ABHD17A: variants seen among roughly 807,000 people sequenced by gnomAD.
ABHD17A encodes the protein alpha/beta hydrolase domain-containing protein 17A.
A neutral mutation model predicts 26.8 loss-of-function variants in ABHD17A; 10 were observed. The observed-to-expected ratio is 0.37, with a 90% CI of 0.23 to 0.63. The LOEUF (loss-of-function observed/expected upper bound fraction) is 0.63. Among genes scored for constraint, ABHD17A ranks in the 30% least tolerant of loss-of-function variants. ABHD17A has a pLI of 0.61. For missense variants in ABHD17A, 292 were observed against 457.3 expected, an observed-to-expected ratio of 0.64 and a Z score of 3.30; for synonymous variants, 167 against 210.9, an observed-to-expected ratio of 0.79 and a Z score of 1.80.
Position 1,879,898 on chromosome 19 carries a change from G to A in ABHD17A, c.527+23C>T, listed in dbSNP as rs780848623. 3.2e-6 allele frequency: 5 copies of A among 1,573,930 alleles called. No homozygotes were observed. In the South Asian group the frequency reaches 4.6e-5, roughly 14 times the overall value. ...CCCCTCTTGGGTGTGCCCAGGCTGA[G>A]CTGCCCCCAGGGTCGCCCTCACCTG... On this transcript the variant is annotated intron_variant, in intron 3 of 4. Transcript: ENST00000292577. The surrounding 1 kb of genome is among the most constrained non-coding windows in gnomAD (Gnocchi z 7.6).
At position 1,879,523 on chromosome 19, in the gene ABHD17A, A is replaced by G; in HGVS notation, c.527+398T>C. 3.5e-6 allele frequency: 1 copy of G among 288,288 alleles called. No individual in the cohort carries two copies. Among genetic ancestry groups the G allele is most frequent in the South Asian group, 3.4e-5 (1 of 29,686 alleles). The allele number at this position is 288,288 out of a possible 1,614,324, so 17.9% of individuals were successfully genotyped here. On this transcript the variant is annotated intron_variant, in intron 3 of 4. Coordinates refer to ENST00000292577, the MANE Select transcript of ABHD17A (RefSeq NM_001130111.2). The surrounding 1 kb of genome is among the most constrained non-coding windows in gnomAD (Gnocchi z 7.6). The stretch of plus-strand genomic sequence containing the variant: ...GGGCCAGTCCTCCGGACCTGGATGC[A>G]GCAGCCTCGCCTCACTTGGCCCCAA...
In ABHD17A at chr19:1,880,116, C is replaced by G. The variant is rs747035503; in HGVS notation, c.333-1G>C. On this transcript the variant is annotated splice_acceptor_variant, in intron 2 of 4. Coordinates refer to ENST00000292577, the MANE Select transcript of ABHD17A (RefSeq NM_001130111.2). LOFTEE classifies it high-confidence loss of function. This position sits in a 1 kb window ranked among gnomAD's most constrained non-coding sequence, Gnocchi z 4.1. ...GCCGTGCGAGAAGAGGACCGTGTACCTGGGACAGGCCGAGAAGGGCCGTTC... is the reference window on the plus strand; with the variant it reads ...GCCGTGCGAGAAGAGGACCGTGTACGTGGGACAGGCCGAGAAGGGCCGTTC... 1 of 1,612,874 alleles carries G rather than the reference C, an allele frequency of 6.2e-7. No individual in the cohort carries two copies. Among genetic ancestry groups the G allele is most frequent in the East Asian group, 2.2e-5 (1 of 44,892 alleles).
rs74377906 is a variant in ABHD17A, at chr19:1,884,436, G to A, written c.-239+916C>T. The stretch of plus-strand genomic sequence containing the variant: ...ACTGGGCACACACCCTTGACACCCT[G>A]AATCCCACCAATTCCGTTCCCACGC... On this transcript the variant is annotated intron_variant, in intron 1 of 4. Transcript: ENST00000292577. 9.8e-4 allele frequency among the ~76,000 whole-genome samples: 149 copies of A among 152,236 alleles called. 1 individual carries two copies. In the South Asian group the frequency reaches 0.015, roughly 15 times the overall value.
At position 1,877,518 on chromosome 19, in the gene ABHD17A, C is replaced by T. The variant is rs757198714; in HGVS notation, c.697G>A (p.Ala233Thr). Reference sequence around the variant, plus strand: ...GCCCGGGCCGCTCACTTAGGGAAGGCGTCGAAGCAGTAGGTCTTCTTGGTG... The same window carrying T: ...GCCCGGGCCGCTCACTTAGGGAAGGTGTCGAAGCAGTAGGTCTTCTTGGTG... ...PDTKKTYCFDAFPNIEKVSKI... is the reference protein window; with the variant it reads ...PDTKKTYCFDTFPNIEKVSKI... Residue 233 changes from alanine to threonine, a missense_variant, in exon 4 of 5, where the codon GCC becomes ACC. Physicochemically the swap from Ala to Thr is moderately conservative, Grantham distance 58 (BLOSUM62 0). This residue lies in a region of ABHD17A where 88 missense variants were observed against 134.3 expected (regional missense o/e 0.66). Transcript: ENST00000292577. The T allele has an allele frequency of 4.4e-6, 7 of 1,594,744 alleles. No individual in the cohort carries two copies. Among genetic ancestry groups the T allele is most frequent in the Non-Finnish European group, 5.9e-6 (7 of 1,178,648 alleles).
intron 1 of ABHD17A, chr19:1,882,661 G>C (rs2012575603): frequency 6.6e-6 from 1 of 152,230 alleles, no homozygotes; most frequent in African/African-American, 2.4e-5. Flanking sequence ...CTTCTTCCTT[G>C]CTGCAGAACG....
Position 1,876,904 on chromosome 19 carries a change from C to A in ABHD17A, c.*296G>T, listed in dbSNP as rs1447063821. 6.8e-6 allele frequency: 3 copies of A among 441,320 alleles called. No individual in the cohort carries two copies. Among genetic ancestry groups the A allele is most frequent in the African/African-American group, 4.1e-5 (2 of 48,456 alleles). The allele number at this position is 441,320 out of a possible 1,614,324, so 27.3% of individuals were successfully genotyped here. ...GGGACTCAGGGACGAAACCTGGGAA[C>A]CCCGGCCCCCTTTCGAGCTCGCTGA... On this transcript the variant is annotated 3_prime_UTR_variant, in exon 5 of 5. Coordinates refer to ENST00000292577, the MANE Select transcript of ABHD17A (RefSeq NM_001130111.2).
intron 1 of ABHD17A, among the ~76,000 whole-genome samples, chr19:1,884,227 G>C (rs1253394956): frequency 1.3e-5 from 2 of 152,186 alleles, no homozygotes; most frequent in Admixed American, 1.3e-4. Flanking sequence ...TAAAGGAATG[G>C]GCAGGTGGTA....
rs923142266 is a variant in ABHD17A at position 1,881,738 on chromosome 19, T to C, written c.-172A>G. The C allele has an allele frequency of 2.1e-6, 2 of 954,214 alleles. No individual in the cohort carries two copies. The highest frequency in any genetic ancestry group is 2.9e-6 in the Non-Finnish European group (2 of 695,628). 59.1% of individuals were successfully genotyped at this position (954,214 alleles called of 1,614,324 possible). ...GTTAGGAGGCCAGGGCCCAGCCCCATCGCGGTCCAAGCCGAGCCCCAGGGA... is the reference window on the plus strand; with the variant it reads ...GTTAGGAGGCCAGGGCCCAGCCCCACCGCGGTCCAAGCCGAGCCCCAGGGA... On this transcript the variant is annotated 5_prime_UTR_variant, in exon 2 of 5. It removes an upstream start codon present in the reference 5' UTR. Coordinates refer to ENST00000292577, the MANE Select transcript of ABHD17A (RefSeq NM_001130111.2).
At chr19:1,884,835 G>A (rs2012633404) in intron 1 of ABHD17A, among the ~76,000 whole-genome samples, 2 of 152,164 alleles carry the variant, frequency 1.3e-5, no homozygotes, top group Non-Finnish European at 2.9e-5. Context: ...CCGCGAAGAA[G>A]TCCCGAGCAA....
Position 1,877,023 on chromosome 19 carries a change from T to C in ABHD17A, c.*177A>G. ...CCGTTTTCACGTATTTTCTTCTTGC[T>C]TCCAAAAGGAAAGGAGTGCGTAGCT... On this transcript the variant is annotated 3_prime_UTR_variant, in exon 5 of 5. Coordinates refer to ENST00000292577, the MANE Select transcript of ABHD17A (RefSeq NM_001130111.2). The C allele has an allele frequency of 1.7e-6, 1 of 573,136 alleles. No homozygotes were observed. The highest frequency in any genetic ancestry group is 2.2e-5 in the South Asian group (1 of 46,090). The allele number at this position is 573,136 out of a possible 1,614,324, so 35.5% of individuals were successfully genotyped here.
Position 1,880,843 on chromosome 19 carries a change from C to T in ABHD17A, c.332+392G>A. 1 of 1,606,152 alleles carries T rather than the reference C, an allele frequency of 6.2e-7. No individual in the cohort carries two copies. Among genetic ancestry groups the T allele is most frequent in the Non-Finnish European group, 8.5e-7 (1 of 1,175,504 alleles). ...AGTTCCCCCAGGCCCCCACCTAGCC[C>T]AGCCAGAAGGTAAAGGCTCGCCCTC... On this transcript the variant is annotated intron_variant, in intron 2 of 4. Transcript: ENST00000292577. This position sits in a 1 kb window ranked among gnomAD's most constrained non-coding sequence, Gnocchi z 4.1.
chr19:1,878,357 C>T (rs1025316494), intron 3 of ABHD17A: 18 of 152,408 alleles, frequency 1.2e-4, no homozygotes, highest in African/African-American at 3.6e-4. Flanking sequence ...AGCTCCCACC[C>T]AGGGGCACCC....
At position 1,881,280 on chromosome 19, in the gene ABHD17A, C is replaced by T; in HGVS notation, c.287G>A (p.Gly96Asp). The T allele has an allele frequency of 6.2e-7, 1 of 1,611,126 alleles. No homozygotes were observed. The highest frequency in any genetic ancestry group is 1.1e-5 in the South Asian group (1 of 90,994). ...AACATACATGCAGGAGACGCGGTTG[C>T]CGCGGGCGCTCTTGGTGGGGAAGAC... ...IEVFPTKSARGNRVSCMYVRC... is the reference protein window; with the variant it reads ...IEVFPTKSARDNRVSCMYVRC... The change falls in exon 2 of 5, where the codon GGC becomes GAC. Residue 96 changes from glycine (G) to aspartate (D), a missense_variant. Physicochemically the swap from Gly to Asp is moderately conservative, Grantham distance 94. Around this residue, in one of 4 missense-constraint regions of ABHD17A, gnomAD observed 171 missense variants for 216.1 expected, o/e 0.79. Coordinates refer to ENST00000292577, the MANE Select transcript of ABHD17A (RefSeq NM_001130111.2).
intron 1 of ABHD17A, among the ~76,000 whole-genome samples, 178 bp downstream of exon 1, chr19:1,885,174 C>T (rs1313890530): frequency 6.6e-6 from 1 of 152,136 alleles, no homozygotes; most frequent in African/African-American, 2.4e-5. Flanking sequence ...ACAGGGCTTT[C>T]CCAATCACAG....
chr19:1,884,151 G>C (rs898236825), intron 1 of ABHD17A, among the ~76,000 whole-genome samples: 1 of 152,062 alleles, frequency 6.6e-6, no homozygotes, highest in Non-Finnish European at 1.5e-5. Flanking sequence ...TCACACGTTT[G>C]GCCAGATCTC....
At chr19:1,885,059 C>T (rs897251038) in intron 1 of ABHD17A, among the ~76,000 whole-genome samples, 10 of 152,158 alleles carry the variant, frequency 6.6e-5, no homozygotes, top group African/African-American at 2.4e-4. Context: ...AGTTTCGGGG[C>T]AAAAGAGCGG....
Position 1,877,570 on chromosome 19 carries a change from G to A in ABHD17A, c.645C>T (p.Thr215=). Residue 215 remains threonine (T), a synonymous_variant, in exon 4 of 5, where the codon ACC becomes ACT. Transcript: ENST00000292577. ...CGGGGAAGGCGACGCGCATGCCCGA[G>A]GTGAGCGGCGAGTGCAGCACCACCG... ...CAAVVLHSPL[T]SGMRVAFPDT... is the part of the protein sequence containing the mutation. 1 of 1,595,454 alleles carries A rather than the reference G, an allele frequency of 6.3e-7. No homozygotes were observed. Among genetic ancestry groups the A allele is most frequent in the Non-Finnish European group, 8.5e-7 (1 of 1,179,024 alleles).
Position 1,877,512 on chromosome 19 carries a change from G to T in ABHD17A, c.703C>A (p.Pro235Thr). 5 of 1,594,606 alleles carry T rather than the reference G, an allele frequency of 3.1e-6. No homozygotes were observed. The highest frequency in any genetic ancestry group is 4.2e-6 in the Non-Finnish European group (5 of 1,178,534). Residue 235 changes from proline to threonine, a missense_variant, in exon 4 of 5, where the codon CCT (proline) becomes ACT (threonine). Coordinates refer to ENST00000292577, the MANE Select transcript of ABHD17A (RefSeq NM_001130111.2). ...GTCCCCGCCCGGGCCGCTCACTTAG[G>T]GAAGGCGTCGAAGCAGTAGGTCTTC... ...TKKTYCFDAF[P>T]NIEKVSKITS...
intron 3 of ABHD17A, 76 bp from the exon 4 acceptor site, chr19:1,877,763 C>T: frequency 6.7e-7 from 1 of 1,482,206 alleles, no homozygotes; most frequent in Non-Finnish European, 9.0e-7. Context: ...GTCCCCGGGC[C>T]CAGCTCCGGA....
Sources: allele counts gnomAD v4.1 joint callset (sites outside exome capture counted in the v4.1 genomes callset), GRCh38; gene constraint gnomAD v4.1.1; regional missense constraint gnomAD v4.1.1; non-coding constraint Gnocchi (gnomAD v3.1); transcripts MANE v1.5; gene names NCBI Gene and HGNC (gene_info 2026-07-23, HGNC 2026-07-21).